KATNAL2: variants seen among roughly 807,000 people sequenced by gnomAD.
The protein encoded by KATNAL2 is katanin p60 ATPase-containing subunit A-like 2.
In KATNAL2, 52 loss-of-function variants were observed where a neutral mutation model predicts 76.3. The ratio of observed to expected loss-of-function variants is 0.68; its 90% CI spans 0.55 to 0.86. The LOEUF is 0.86. KATNAL2 is among the 40% of genes least tolerant of loss of function. The pLI, the probability that KATNAL2 is intolerant of heterozygous loss-of-function variation, is 0.00. For missense variants in KATNAL2, 660 were observed against 668.9 expected, an observed-to-expected ratio of 0.99 and a Z score of 0.15; for synonymous variants, 243 against 244.2, an observed-to-expected ratio of 1.00 and a Z score of 0.05.
chr18:47,086,656 C>G (rs1243209035), intron 15 of KATNAL2, among the ~76,000 whole-genome samples: 1 of 152,194 alleles, frequency 6.6e-6, no homozygotes, highest in Non-Finnish European at 1.5e-5. Context: ...TACTAGTGGT[C>G]AAACCATTTT....
At chr18:47,091,838 AG>A (rs2063013361) in intron 15 of KATNAL2, among the ~76,000 whole-genome samples, 1 of 152,186 alleles carries the variant, frequency 6.6e-6, no homozygotes, top group Admixed American at 6.5e-5. Flanking sequence ...TCCCTGTGAA[AG>A]AATCTTTCTT....
intron 1 of KATNAL2, among the ~76,000 whole-genome samples, chr18:46,936,929 T>C (rs1214307838): frequency 6.6e-6 from 1 of 152,168 alleles, no homozygotes; most frequent in Admixed American, 6.6e-5. Context: ...CACTCCAGCC[T>C]GGGCAACAGA....
At position 47,046,334 on chromosome 18, in the gene KATNAL2, G is replaced by C. The variant is rs547814259; in HGVS notation, c.52-123G>C. ...TATATGTCCTTAGAGACTTCAAATT[G>C]CTTTCCAGCCTTTAAGTCATGCTGC... On this transcript the variant is annotated intron_variant, in intron 3 of 17. Transcript: ENST00000683218. 4 of 666,210 alleles carry C rather than the reference G, an allele frequency of 6.0e-6. No homozygotes were observed. In the Admixed American group the frequency reaches 1.0e-4, roughly 17 times the overall value. 41.3% of individuals were successfully genotyped at this position (666,210 alleles called of 1,614,324 possible). A position where few individuals can be genotyped will look rare whatever the true frequency, so the allele number is the denominator to read the frequency against.
chr18:47,034,002 A>G, intron 3 of KATNAL2: 1 of 1,613,936 alleles, frequency 6.2e-7, no homozygotes, highest in Non-Finnish European at 8.5e-7. Flanking sequence ...CCCAGGACTC[A>G]CGAGTGCCCT....
intron 6 of KATNAL2, among the ~76,000 whole-genome samples, chr18:47,057,372 T>C (rs973805483): frequency 9.9e-5 from 15 of 152,192 alleles, no homozygotes; most frequent in African/African-American, 3.6e-4. Flanking sequence ...AATATGGATA[T>C]TCCAATACTG....
At chr18:46,959,459 T>C (rs1172970518) in intron 3 of KATNAL2, among the ~76,000 whole-genome samples, 1 of 150,874 alleles carries the variant, frequency 6.6e-6, no homozygotes, top group Non-Finnish European at 1.5e-5. Context: ...TCTTGGAACC[T>C]TTTTTTTAAA....
chr18:47,075,878 T>C (rs2289133), intron 14 of KATNAL2, among the ~76,000 whole-genome samples: 84,147 of 152,136 alleles, frequency 0.55, 23,513 homozygotes, highest in Middle Eastern at 0.62. Context: ...TTAAATATGT[T>C]ACATATATTA....
intron 3 of KATNAL2, among the ~76,000 whole-genome samples, chr18:46,961,605 C>A (rs2059956660): frequency 6.6e-6 from 1 of 152,182 alleles, no homozygotes; most frequent in Non-Finnish European, 1.5e-5. Context: ...CAAATACAGA[C>A]ATAGGATTAA....
chr18:47,097,668 T>A (rs1442216718), intron 15 of KATNAL2, among the ~76,000 whole-genome samples: 1 of 152,250 alleles, frequency 6.6e-6, no homozygotes, highest in Non-Finnish European at 1.5e-5. Context: ...ATGATGCATA[T>A]GTGTTCACTG....
intron 11 of KATNAL2, among the ~76,000 whole-genome samples, chr18:47,067,930 TG>T (rs755333030): frequency 9.9e-5 from 15 of 152,152 alleles, no homozygotes; most frequent in Non-Finnish European, 2.2e-4. Flanking sequence ...CTGAAAAGGC[TG>T]GGACAAGCAG....
chr18:46,949,855 C>G (rs7232114), intron 3 of KATNAL2, among the ~76,000 whole-genome samples: 118,309 of 152,140 alleles, frequency 0.78, 46,854 homozygotes, highest in African/African-American at 0.92. Flanking sequence ...GCTATTACCC[C>G]TTGGTTTTTG....
rs544645418 is a variant in KATNAL2, at chr18:47,079,981, C to T, written c.1211+2520C>T. On this transcript the variant is annotated intron_variant, in intron 15 of 17. Transcript: ENST00000683218. ...CCTGGTTCCTTGCCTGTACAGCTCC[C>T]ATCAATGGTGTGAGCATCCATTGAT... 1.1e-4 allele frequency among the ~76,000 whole-genome samples: 17 copies of T among 152,210 alleles called. 1 individual carries two copies. The South Asian group carries it at 2.3e-3, about 20-fold the overall frequency.
intron 15 of KATNAL2, among the ~76,000 whole-genome samples, chr18:47,087,941 T>G (rs2062845015): frequency 6.6e-6 from 1 of 152,122 alleles, no homozygotes; most frequent in Admixed American, 6.5e-5. Context: ...GTACCATAAT[T>G]TATTTGACTT....
At chr18:46,937,379 T>A (rs2059124616) in intron 1 of KATNAL2, among the ~76,000 whole-genome samples, 1 of 152,138 alleles carries the variant, frequency 6.6e-6, no homozygotes, top group African/African-American at 2.4e-5. Flanking sequence ...TTTTGTTTTT[T>A]AAAATTTTTA....
intron 3 of KATNAL2, among the ~76,000 whole-genome samples, chr18:46,957,249 C>CTTTT (rs1223846865): frequency 5.0e-3 from 371 of 73,884 alleles, no homozygotes; most frequent in African/African-American, 6.1e-3. Context: ...TTGCCCTCTT[C>CTTTT]TTTTTTTTTT....
At chr18:47,037,780 T>C (rs934350564) in intron 3 of KATNAL2, among the ~76,000 whole-genome samples, 7 of 152,156 alleles carry the variant, frequency 4.6e-5, no homozygotes, top group African/African-American at 1.7e-4. Flanking sequence ...AAAATAAAAA[T>C]CACATTATTA....
At chr18:46,935,123 C>T (rs924565818) in intron 1 of KATNAL2, among the ~76,000 whole-genome samples, 1 of 151,928 alleles carries the variant, frequency 6.6e-6, no homozygotes, top group Admixed American at 6.6e-5. Context: ...AAAAAGACTG[C>T]AATAAGAGCA....
At chr18:46,955,365 C>T (rs1267187567) in intron 3 of KATNAL2, among the ~76,000 whole-genome samples, 11 of 151,262 alleles carry the variant, frequency 7.3e-5, no homozygotes, top group South Asian at 2.1e-4. Context: ...TACAGGCATG[C>T]GCCACCACGC....
intron 3 of KATNAL2, among the ~76,000 whole-genome samples, chr18:47,040,837 T>C (rs1422184789): frequency 2.0e-5 from 3 of 152,188 alleles, no homozygotes; most frequent in Middle Eastern, 3.2e-3. Flanking sequence ...GTTTTATGCA[T>C]TGTACCAGTT....
Sources: allele counts gnomAD v4.1 joint callset (sites outside exome capture counted in the v4.1 genomes callset), GRCh38; gene constraint gnomAD v4.1.1; transcripts MANE v1.5; gene names NCBI Gene and HGNC (gene_info 2026-07-23, HGNC 2026-07-21).